RCOR1: variants seen among roughly 807,000 people sequenced by gnomAD.
The protein encoded by RCOR1 is REST corepressor.
Under a neutral mutation model 64.0 loss-of-function variants are expected in RCOR1, and 12 were observed. That is an observed-to-expected ratio of 0.19 (90% CI 0.12 to 0.30). The LOEUF is 0.30. Ranked by LOEUF, RCOR1 falls within the 10% of genes least tolerant of loss-of-function variation. The probability of loss-of-function intolerance (pLI) is 1.00; values close to 1 mark genes in which losing one functional copy is unlikely to be tolerated. For synonymous variants in RCOR1, 279 were observed against 227.2 expected (o/e 1.23, Z -2.05); for missense variants, 502 against 621.2 (o/e 0.81, Z 2.04).
intron 2 of RCOR1, among the ~76,000 whole-genome samples, chr14:102,664,874 A>G (rs1299336965): frequency 1.3e-5 from 2 of 152,240 alleles, no homozygotes; most frequent in Admixed American, 1.3e-4. Context: ...GTTCTTAAGC[A>G]TTCGACTTAG....
At chr14:102,603,220 A>G (rs942144354) in intron 2 of RCOR1, among the ~76,000 whole-genome samples, 3 of 151,858 alleles carry the variant, frequency 2.0e-5, no homozygotes, top group South Asian at 2.1e-4. Context: ...AGTTTGGACT[A>G]CAGTTGTTCA....
rs1893155341 is a variant in RCOR1 at position 102,592,853 on chromosome 14, C to T, written c.-34C>T. ...CGCCCCCTCCTCAGGAGCCGCGGGTCCCCGCCACTTTCGCACGGCCCCGGC... is the reference window on the plus strand; with the variant it reads ...CGCCCCCTCCTCAGGAGCCGCGGGTTCCCGCCACTTTCGCACGGCCCCGGC... On this transcript the variant is annotated 5_prime_UTR_variant, in exon 1 of 12. Transcript: ENST00000262241. The T allele has an allele frequency of 8.5e-7, 1 of 1,181,320 alleles. No homozygotes were observed. The allele number at this position is 1,181,320 out of a possible 1,614,324, so 73.2% of individuals were successfully genotyped here. A position where few individuals can be genotyped will look rare whatever the true frequency, so the allele number is the denominator to read the frequency against.
intron 2 of RCOR1, among the ~76,000 whole-genome samples, chr14:102,641,567 T>C (rs1323294355): frequency 6.6e-6 from 1 of 152,056 alleles, no homozygotes; most frequent in African/African-American, 2.4e-5. Context: ...GCCACTGCAC[T>C]CCAGTCCCAA....
intron 2 of RCOR1, among the ~76,000 whole-genome samples, chr14:102,603,898 G>A (rs1893451913): frequency 6.6e-6 from 1 of 152,122 alleles, no homozygotes; most frequent in African/African-American, 2.4e-5. Context: ...ATGGATTTGT[G>A]TGAGTTCTTT....
chr14:102,628,899 T>G (rs922684864), intron 2 of RCOR1, among the ~76,000 whole-genome samples: 1 of 151,302 alleles, frequency 6.6e-6, no homozygotes, highest in Non-Finnish European at 1.5e-5. Flanking sequence ...TGCTCTTTTT[T>G]TTTTTTTTTT....
At chr14:102,653,920 C>CTTCT (rs553960381) in intron 2 of RCOR1, among the ~76,000 whole-genome samples, 2,067 of 98,814 alleles carry the variant, frequency 0.021, 59 homozygotes, top group East Asian at 0.04. Flanking sequence ...CAGGTATTTC[C>CTTCT]TTCTTTCTTT....
chr14:102,717,650 AT>A (rs1170263479), intron 8 of RCOR1, among the ~76,000 whole-genome samples: 2 of 152,110 alleles, frequency 1.3e-5, no homozygotes, highest in Admixed American at 6.6e-5. Context: ...CTTTACAAGG[AT>A]GCTCCTTTCT....
At chr14:102,635,626 T>G (rs1176891574) in intron 2 of RCOR1, among the ~76,000 whole-genome samples, 1 of 152,208 alleles carries the variant, frequency 6.6e-6, no homozygotes, top group Non-Finnish European at 1.5e-5. Flanking sequence ...CATGTTGGTA[T>G]GAATATGACC....
chr14:102,603,719 C>T (rs748191190), intron 2 of RCOR1, among the ~76,000 whole-genome samples: 48 of 152,098 alleles, frequency 3.2e-4, no homozygotes, highest in Non-Finnish European at 5.9e-4. Flanking sequence ...CTCCTGGGCT[C>T]ACATGATCCT....
At chr14:102,720,787 C>G in intron 8 of RCOR1, 1 of 376,592 alleles carries the variant, frequency 2.7e-6, no homozygotes, top group Non-Finnish European at 4.7e-6. Flanking sequence ...CCCTCCGTCC[C>G]CTCCTCCTTG....
intron 2 of RCOR1, among the ~76,000 whole-genome samples, chr14:102,639,497 T>TTTTTTTTA (rs1555463397): frequency 6.6e-5 from 9 of 135,388 alleles, no homozygotes; most frequent in Non-Finnish European, 1.1e-4. Context: ...ATTTTTTAAT[T>TTTTTTTTA]TTTATTTATT....
intron 2 of RCOR1, among the ~76,000 whole-genome samples, chr14:102,633,074 T>C (rs1894162706): frequency 6.6e-6 from 1 of 151,934 alleles, no homozygotes; most frequent in Non-Finnish European, 1.5e-5. Context: ...ATCCCAAAAG[T>C]GCTGGGATTA....
chr14:102,664,933 A>G (rs1894888162), intron 2 of RCOR1, among the ~76,000 whole-genome samples: 1 of 152,174 alleles, frequency 6.6e-6, no homozygotes, highest in South Asian at 2.1e-4. Context: ...CTCAGTAGAA[A>G]CTGTATTTTG....
At chr14:102,642,728 C>CG (rs2139922397) in intron 2 of RCOR1, among the ~76,000 whole-genome samples, 1 of 152,070 alleles carries the variant, frequency 6.6e-6, no homozygotes, top group African/African-American at 2.4e-5. Context: ...CCCAGGTACT[C>CG]GGGATGCTGA....
At chr14:102,657,487 T>C in intron 2 of RCOR1, 1 of 983,830 alleles carries the variant, frequency 1.0e-6, no homozygotes, top group Non-Finnish European at 1.2e-6. Context: ...TTAGAGATTT[T>C]GGTTTATTAA....
At chr14:102,628,630 C>A (rs1339577203) in intron 2 of RCOR1, among the ~76,000 whole-genome samples, 1 of 152,074 alleles carries the variant, frequency 6.6e-6, no homozygotes, top group Non-Finnish European at 1.5e-5. Context: ...AATACCTGAA[C>A]TTCTCAATGA....
intron 3 of RCOR1, among the ~76,000 whole-genome samples, chr14:102,697,784 G>A (rs1407333296): frequency 2.0e-5 from 3 of 150,802 alleles, no homozygotes; most frequent in East Asian, 2.0e-4. Context: ...GCAGTGGCAC[G>A]ATCTTGGCTC....
At chr14:102,726,292 C>G (rs930114076) in intron 11 of RCOR1, among the ~76,000 whole-genome samples, 176 bp from the exon 12 acceptor site, 2 of 151,138 alleles carry the variant, frequency 1.3e-5, no homozygotes, top group African/African-American at 4.9e-5. Flanking sequence ...CGCCACTGCA[C>G]TCCAGCCTGG....
At chr14:102,723,906 A>G (rs1896212511) in intron 11 of RCOR1, among the ~76,000 whole-genome samples, 1 of 152,156 alleles carries the variant, frequency 6.6e-6, no homozygotes, top group Non-Finnish European at 1.5e-5. Context: ...TGGCATAACA[A>G]ATCTCATAGT....
Sources: allele counts gnomAD v4.1 joint callset (sites outside exome capture counted in the v4.1 genomes callset), GRCh38; gene constraint gnomAD v4.1.1; transcripts MANE v1.5; gene names NCBI Gene and HGNC (gene_info 2026-07-23, HGNC 2026-07-21).